The following CFAP47 variants were observed in gnomAD, a reference collection of about 807,000 sequenced individuals.
CFAP47 encodes the protein cilia- and flagella-associated protein 47.
In CFAP47, 29 loss-of-function variants were observed where a neutral mutation model predicts 148.1. The ratio of observed to expected loss-of-function variants is 0.20; its 90% CI spans 0.15 to 0.27. CFAP47 has a LOEUF of 0.27. Ranked by LOEUF, CFAP47 falls within the 10% of genes least tolerant of loss-of-function variation. CFAP47 has a pLI of 1.00. For synonymous variants in CFAP47, 664 were observed against 577.3 expected (o/e 1.15, Z -2.15); for missense variants, 1,872 against 1,697.5 (o/e 1.10, Z -1.81).
At chrX:36,093,664 A>C (rs1434703172) in intron 30 of CFAP47, among the ~76,000 whole-genome samples, 1 of 111,412 alleles carries the variant, frequency 9.0e-6, no homozygotes, top group Admixed American at 9.5e-5. Context: ...AGTTGATTGA[A>C]GGTAAAAAAA....
intron 15 of CFAP47, among the ~76,000 whole-genome samples, chrX:35,978,235 G>C (rs1322300142): frequency 8.9e-6 from 1 of 111,947 alleles, no homozygotes; most frequent in Non-Finnish European, 1.9e-5. Flanking sequence ...TGTGCTAAGA[G>C]TGTTAAAAAG....
At chrX:36,138,175 C>A (rs930583900) in intron 34 of CFAP47, 120 bp downstream of exon 34, 2 of 550,257 alleles carry the variant, frequency 3.6e-6, no homozygotes, top group African/African-American at 4.9e-5. Context: ...AGTCAAACAC[C>A]TGAATCTGCA....
At chrX:36,162,794 G>C (rs1156905996) in intron 39 of CFAP47, among the ~76,000 whole-genome samples, 2 of 111,429 alleles carry the variant, frequency 1.8e-5, no homozygotes, top group Admixed American at 9.6e-5. Context: ...TTTTATATTT[G>C]ATAAGATTTA....
At chrX:36,148,475 T>G (rs1939264819) in intron 36 of CFAP47, among the ~76,000 whole-genome samples, 1 of 111,797 alleles carries the variant, frequency 8.9e-6, no homozygotes, top group African/African-American at 3.3e-5. Context: ...AAAGATTGTT[T>G]TTTGAATCTC....
Position 36,098,790 on chromosome X carries a change from T to G in CFAP47, c.4917-3T>G. 8.8e-7 allele frequency: 1 copy of G among 1,142,617 alleles called. No homozygotes were observed. Among genetic ancestry groups the G allele is most frequent in the Non-Finnish European group, 1.2e-6 (1 of 843,874 alleles). The allele number at this position is 1,142,617 out of a possible 1,213,427, so 94.2% of individuals were successfully genotyped here. On this transcript the variant is annotated splice_region_variant and splice_polypyrimidine_tract_variant and intron_variant, in intron 30 of 63. Transcript: ENST00000378653. ...AATTTGAGTTTTTCTTTTTTAATTT[T>G]AGTGCTCAAGGAGGATGTATTTCAC... is the stretch of plus-strand genomic sequence containing the variant.
At position 35,966,705 on chromosome X, in the gene CFAP47, C is replaced by T; in HGVS notation, c.1551C>T (p.Asn517=). 1.7e-6 allele frequency: 2 copies of T among 1,176,453 alleles called. No homozygotes were observed. Among genetic ancestry groups the T allele is most frequent in the South Asian group, 3.9e-5 (2 of 50,941 alleles). The change falls in exon 9 of 64, where the codon AAC becomes AAT. Residue 517 remains asparagine (N), a synonymous_variant. Transcript: ENST00000378653. ...TCCATCACGTATATTTAGCTTTCAA[C>T]AGCATCTGTAAAGCTTCCACCAAGA... ...KSFHHVYLAF[N]SICKASTKKV...
Position 35,967,793 on chromosome X carries a change from C to T in CFAP47, c.1775C>T (p.Ala592Val), listed in dbSNP as rs1168711939. The T allele has an allele frequency of 8.3e-7, 1 of 1,207,204 alleles. No individual in the cohort carries two copies. Among genetic ancestry groups the T allele is most frequent in the Non-Finnish European group, 1.1e-6 (1 of 892,555 alleles). ...DMLLAFPNDR[A>V]ATIRSKDHHK... ...CTATTAGCCTTTCCCAATGACCGAG[C>T]TGCAACTATCAGGTCTAAAGACCAT... The change falls in exon 10 of 64, where the codon GCT becomes GTT. Residue 592 changes from alanine to valine, a missense_variant. Ala to Val is a moderately conservative substitution (Grantham distance 64). Transcript: ENST00000378653.
chrX:36,245,365 A>C (rs782401661), intron 48 of CFAP47, among the ~76,000 whole-genome samples: 12 of 112,054 alleles, frequency 1.1e-4, no homozygotes, highest in Non-Finnish European at 2.1e-4. Context: ...AAGAAATAAA[A>C]GGCATCCAAA....
chrX:35,924,002 T>C (rs188851414), intron 1 of CFAP47, among the ~76,000 whole-genome samples: 21 of 99,926 alleles, frequency 2.1e-4, no homozygotes, highest in East Asian at 6.0e-4. Context: ...TATATGTGTA[T>C]ATGTGTAAAT....
intron 51 of CFAP47, among the ~76,000 whole-genome samples, chrX:36,292,106 C>A (rs1323868469): frequency 1.1e-4 from 12 of 111,274 alleles, no homozygotes. Flanking sequence ...AATGCATCTT[C>A]AACATACATG....
At chrX:36,009,319 AT>A (rs1221544493) in intron 21 of CFAP47, among the ~76,000 whole-genome samples, 1 of 111,578 alleles carries the variant, frequency 9.0e-6, no homozygotes, top group Non-Finnish European at 1.9e-5. Flanking sequence ...TAATAATCAA[AT>A]TAAGAAAAAA....
At chrX:35,940,667 T>C (rs1007718560) in intron 2 of CFAP47, among the ~76,000 whole-genome samples, 49 of 110,856 alleles carry the variant, frequency 4.4e-4, no homozygotes, top group African/African-American at 1.3e-3. Flanking sequence ...TCTCCCCCGC[T>C]CTCTCTCTCT....
intron 30 of CFAP47, among the ~76,000 whole-genome samples, chrX:36,093,539 T>G (rs1458323987): frequency 9.0e-6 from 1 of 111,538 alleles, no homozygotes; most frequent in African/African-American, 3.2e-5. Flanking sequence ...TGTGGCCATT[T>G]GCCATTTGTA....
intron 39 of CFAP47, among the ~76,000 whole-genome samples, chrX:36,173,257 G>C (rs1238411959): frequency 1.8e-5 from 2 of 111,363 alleles, no homozygotes; most frequent in African/African-American, 6.5e-5. Context: ...CCAGCTCCTG[G>C]ATTCGTTAAT....
At chrX:36,277,759 T>A (rs1941033057) in intron 49 of CFAP47, among the ~76,000 whole-genome samples, 1 of 112,283 alleles carries the variant, frequency 8.9e-6, no homozygotes, top group Non-Finnish European at 1.9e-5. Context: ...ATTAGCCATA[T>A]GTGGCTAGTG....
At chrX:36,180,049 C>A (rs1462502312) in intron 40 of CFAP47, among the ~76,000 whole-genome samples, 1 of 111,533 alleles carries the variant, frequency 9.0e-6, no homozygotes. Flanking sequence ...CTTTTCACCA[C>A]TCTGTGCACG....
At chrX:36,144,607 G>T in intron 35 of CFAP47, 1 of 1,027,937 alleles carries the variant, frequency 9.7e-7, no homozygotes, top group Non-Finnish European at 1.3e-6. Flanking sequence ...GGAGTCAGTG[G>T]CCTGAGAAAG....
chrX:35,932,787 C>T (rs1212472057), intron 2 of CFAP47, among the ~76,000 whole-genome samples: 1 of 110,158 alleles, frequency 9.1e-6, no homozygotes, highest in Non-Finnish European at 1.9e-5. Context: ...CCACCATGCC[C>T]AGCTAATTTT....
chrX:36,283,893 G>A (rs1396326815), intron 50 of CFAP47, among the ~76,000 whole-genome samples: 3 of 111,614 alleles, frequency 2.7e-5, no homozygotes, highest in East Asian at 2.8e-4. Context: ...ACTCTGAGTC[G>A]TTCCACTGAT....
Sources: gnomAD v4.1 joint callset for allele counts (sites outside exome capture counted in the v4.1 genomes callset) on GRCh38, gnomAD v4.1.1 for gene constraint, MANE v1.5 for transcripts, NCBI Gene and HGNC (gene_info 2026-07-23, HGNC 2026-07-21) for gene names.